The following SUPT3H variants were observed in gnomAD, a reference collection of about 807,000 sequenced individuals.
SUPT3H encodes SPT3 homolog, SAGA and STAGA complex component, also known as transcription initiation protein SPT3 homolog.
SUPT3H carries 44 observed loss-of-function variants against 44.3 expected under a neutral mutation model. The ratio of observed to expected loss-of-function variants is 0.99; its 90% CI spans 0.78 to 1.28. The LOEUF (loss-of-function observed/expected upper bound fraction) is 1.28, where lower values mean the gene tolerates loss of function less well. Ranked by LOEUF, SUPT3H falls within the 50% of genes most tolerant of loss-of-function variation. The pLI, the probability that SUPT3H is intolerant of heterozygous loss-of-function variation, is 0.00. For missense variants in SUPT3H, 380 were observed against 387.1 expected (o/e 0.98, Z 0.15); for synonymous variants, 124 against 125.6 (o/e 0.99, Z 0.09).
chr6:45,274,542 A>G (rs1776706731), intron 2 of SUPT3H, among the ~76,000 whole-genome samples: 1 of 152,200 alleles, frequency 6.6e-6, no homozygotes. Flanking sequence ...ATTCCTTGAA[A>G]TAGCTATTCT....
chr6:45,110,508 T>C (rs1317966866), intron 2 of SUPT3H, among the ~76,000 whole-genome samples: 1 of 152,014 alleles, frequency 6.6e-6, no homozygotes, highest in East Asian at 1.9e-4. Context: ...AAACGTCTAG[T>C]CATTTTGCTC....
chr6:44,884,387 C>T (rs533025614), intron 10 of SUPT3H, among the ~76,000 whole-genome samples: 13 of 152,230 alleles, frequency 8.5e-5, no homozygotes, highest in South Asian at 8.3e-4. Flanking sequence ...GAAATAGGAA[C>T]GCTTTTACAC....
At chr6:45,109,493 T>C (rs1799742888) in intron 2 of SUPT3H, among the ~76,000 whole-genome samples, 1 of 148,782 alleles carries the variant, frequency 6.7e-6, no homozygotes, top group Non-Finnish European at 1.5e-5. Context: ...ATGAGAAAGT[T>C]AGATCTTTGT....
At chr6:44,824,984 T>C (rs149211623), downstream of SUPT3H, among the ~76,000 whole-genome samples, 73 of 152,336 alleles carry the variant, frequency 4.8e-4, no homozygotes, top group African/African-American at 1.7e-3. Context: ...CATTGCCATA[T>C]GTACTTTTGT....
chr6:44,945,670 T>A (rs1773227158), intron 9 of SUPT3H, among the ~76,000 whole-genome samples: 1 of 152,006 alleles, frequency 6.6e-6, no homozygotes, highest in Non-Finnish European at 1.5e-5. Context: ...CCAAGAGAGA[T>A]GAGAAACATG....
Position 45,109,929 on chromosome 6 carries a change from A to G in SUPT3H, c.102-3923T>C, listed in dbSNP as rs73737889. Reference sequence around the variant, plus strand: ...CCTAATCAATAGATTCTGATACCCTATTCATTTACATACTGTCTTGATGCC... The same window carrying G: ...CCTAATCAATAGATTCTGATACCCTGTTCATTTACATACTGTCTTGATGCC... On this transcript the variant is annotated intron_variant, in intron 2 of 10. Coordinates refer to ENST00000371459, the MANE Select transcript of SUPT3H (RefSeq NM_003599.4). Among the ~76,000 whole-genome samples, 1,306 of 152,236 alleles carry G rather than the reference A, an allele frequency of 8.6e-3. 23 individuals carry two copies. The highest frequency in any genetic ancestry group is 0.03 in the African/African-American group (1,230 of 41,502).
At chr6:45,179,383 C>T (rs2153612192) in intron 2 of SUPT3H, among the ~76,000 whole-genome samples, 1 of 152,246 alleles carries the variant, frequency 6.6e-6, no homozygotes, top group East Asian at 1.9e-4. Flanking sequence ...TTTTATGAGG[C>T]CAGCATCATC....
intron 3 of SUPT3H, among the ~76,000 whole-genome samples, chr6:45,048,914 G>A (rs186591319): frequency 1.3e-5 from 2 of 152,076 alleles, no homozygotes; most frequent in Admixed American, 1.3e-4. Flanking sequence ...GGGTTGGGGA[G>A]GTTTTGGCCA....
chr6:44,991,254 G>A (rs980162694), intron 6 of SUPT3H, among the ~76,000 whole-genome samples: 15 of 151,786 alleles, frequency 9.9e-5, no homozygotes, highest in Admixed American at 7.9e-4. Flanking sequence ...AAAAATTTTC[G>A]GAATTTCTAT....
At chr6:45,090,205 T>C (rs1290051274) in intron 3 of SUPT3H, among the ~76,000 whole-genome samples, 1 of 152,076 alleles carries the variant, frequency 6.6e-6, no homozygotes, top group African/African-American at 2.4e-5. Flanking sequence ...CATTACTATG[T>C]AGCTTATTAT....
At chr6:44,973,932 C>T (rs1360126164) in intron 6 of SUPT3H, among the ~76,000 whole-genome samples, 1 of 152,166 alleles carries the variant, frequency 6.6e-6, no homozygotes, top group African/African-American at 2.4e-5. Context: ...CCACCAGGTC[C>T]CTCCCACGAC....
At chr6:45,257,548 CGTT>C (rs1773613509) in intron 2 of SUPT3H, among the ~76,000 whole-genome samples, 1 of 152,098 alleles carries the variant, frequency 6.6e-6, no homozygotes, top group Admixed American at 6.5e-5. Context: ...ATACAGTCAT[CGTT>C]GTTTCAGTCT....
chr6:44,993,961 A>T (rs1420193829), intron 6 of SUPT3H, among the ~76,000 whole-genome samples: 1 of 152,164 alleles, frequency 6.6e-6, no homozygotes, highest in Non-Finnish European at 1.5e-5. Context: ...AAATGTCTTA[A>T]AGAAGTAATG....
At chr6:45,080,094 T>C (rs941793914) in intron 3 of SUPT3H, among the ~76,000 whole-genome samples, 1 of 151,898 alleles carries the variant, frequency 6.6e-6, no homozygotes, top group African/African-American at 2.4e-5. Context: ...GCTCAAACAA[T>C]TCAATAGGAA....
At chr6:44,832,574 G>C (rs1341932012) in intron 10 of SUPT3H, among the ~76,000 whole-genome samples, 1 of 152,100 alleles carries the variant, frequency 6.6e-6, no homozygotes, top group Non-Finnish European at 1.5e-5. Flanking sequence ...AACATCAGTT[G>C]CTCCTTTGTG....
chr6:45,161,378 T>C (rs1446731442), intron 2 of SUPT3H, among the ~76,000 whole-genome samples: 1 of 152,120 alleles, frequency 6.6e-6, no homozygotes, highest in Non-Finnish European at 1.5e-5. Flanking sequence ...AAACTTTCAA[T>C]TGACTGCACC....
At chr6:45,302,514 AATATATATAT>A (rs10524207) in intron 2 of SUPT3H, among the ~76,000 whole-genome samples, 1,910 of 105,318 alleles carry the variant, frequency 0.018, 51 homozygotes, top group African/African-American at 0.051. Flanking sequence ...GTATCTCAGG[AATATATATAT>A]ATATATATAT....
chr6:45,058,466 T>C (rs1791475907), intron 3 of SUPT3H, among the ~76,000 whole-genome samples: 1 of 152,142 alleles, frequency 6.6e-6, no homozygotes, highest in African/African-American at 2.4e-5. Flanking sequence ...GCTGTAAAGA[T>C]TAAAATAATG....
intron 10 of SUPT3H, among the ~76,000 whole-genome samples, chr6:44,908,302 C>A (rs925182633): frequency 6.6e-6 from 1 of 151,894 alleles, no homozygotes; most frequent in Non-Finnish European, 1.5e-5. Flanking sequence ...CAGGCGCCCA[C>A]CACCATGCCC....
Sources: gnomAD v4.1 joint callset for allele counts (sites outside exome capture counted in the v4.1 genomes callset) on GRCh38, gnomAD v4.1.1 for gene constraint, MANE v1.5 for transcripts, NCBI Gene and HGNC (gene_info 2026-07-23, HGNC 2026-07-21) for gene names.